Variants in NBAS observed in about 807,000 individuals in gnomAD.
NBAS encodes NBAS subunit of NRZ tethering complex.
In NBAS, 219 loss-of-function variants were observed where a neutral mutation model predicts 302.5. The ratio of observed to expected loss-of-function variants is 0.72; its 90% CI spans 0.65 to 0.81. The LOEUF is 0.81. Among genes scored for constraint, NBAS ranks in the 30% least tolerant of loss-of-function variants. NBAS has a pLI of 0.00. For missense variants in NBAS, 2,932 were observed against 2,841.6 expected (o/e 1.03, Z -0.72); for synonymous variants, 1,118 against 1,021.6 (o/e 1.09, Z -1.80).
chr2:14,787,949 T>C, the NBAS span, among the ~76,000 whole-genome samples: 2 of 152,234 alleles, frequency 1.3e-5, no homozygotes, highest in African/African-American at 2.4e-5. Flanking sequence ...CCTGTCACTT[T>C]CAGGTACACC....
At chr2:15,166,915 A>G, downstream of NBAS, 1 of 1,224,370 alleles carries the variant, frequency 8.2e-7, no homozygotes, top group Non-Finnish European at 1.1e-6. Context: ...CAGCTTGCTC[A>G]TCGTTTCCAT....
chr2:14,793,037 A>T, the NBAS span, among the ~76,000 whole-genome samples: 1 of 151,652 alleles, frequency 6.6e-6, no homozygotes, highest in South Asian at 2.1e-4. Flanking sequence ...AGACACTAGG[A>T]TGTTCATTCT....
At chr2:14,992,708 T>C in the NBAS span, among the ~76,000 whole-genome samples, 2 of 152,302 alleles carry the variant, frequency 1.3e-5, no homozygotes, top group African/African-American at 4.8e-5. Context: ...ACCAGTGTCC[T>C]TCATCCCTCA....
At chr2:15,404,809 G>A (rs1005992693) in intron 25 of NBAS, among the ~76,000 whole-genome samples, 3 of 151,970 alleles carry the variant, frequency 2.0e-5, no homozygotes, top group African/African-American at 7.3e-5. Context: ...CACTGCGCCC[G>A]GCCCTAAAGA....
chr2:15,552,365 T>C (rs553164304), intron 5 of NBAS, among the ~76,000 whole-genome samples: 34 of 152,296 alleles, frequency 2.2e-4, no homozygotes, highest in African/African-American at 7.5e-4. Context: ...TGCAGGTCCA[T>C]GTCTATGTGG....
the NBAS span, among the ~76,000 whole-genome samples, chr2:15,078,213 G>A: frequency 4.8e-4 from 73 of 152,256 alleles, no homozygotes; most frequent in African/African-American, 1.7e-3. Flanking sequence ...GCAATGGGAA[G>A]TCCTAGAAAG....
intron 35 of NBAS, among the ~76,000 whole-genome samples, chr2:15,341,402 G>GAATAAATAAATAAATAAATA (rs3085584): frequency 2.0e-5 from 3 of 148,134 alleles, no homozygotes; most frequent in African/African-American, 7.4e-5. Context: ...ATAAATAAAT[G>GAATAAATAAATAAATAAATA]AATAAATAAA....
chr2:15,104,281 G>A, the NBAS span, among the ~76,000 whole-genome samples: 62,848 of 151,980 alleles, frequency 0.41, 14,389 homozygotes, highest in African/African-American at 0.62. Context: ...AGTCAATTAA[G>A]CCTCTTTCTT....
chr2:14,940,448 G>A, the NBAS span, among the ~76,000 whole-genome samples: 2 of 152,082 alleles, frequency 1.3e-5, no homozygotes, highest in African/African-American at 4.8e-5. Context: ...CGTACTTCCT[G>A]TACAGCCTAT....
rs114354862 is a variant in NBAS at position 15,309,159 on chromosome 2, G to C, written c.4659+12C>G. The C allele has an allele frequency of 2.2e-3, 3,516 of 1,608,398 alleles. 36 individuals carry two copies. The highest frequency in any genetic ancestry group is 1.1e-3 in the Non-Finnish European group (1,275 of 1,175,478). Reference sequence around the variant, plus strand: ...GTCATTTTAAATTCTTCATTGGTAAGGGCAAACTTACTTGTGGTAAGGCAA... The same window carrying C: ...GTCATTTTAAATTCTTCATTGGTAACGGCAAACTTACTTGTGGTAAGGCAA... On this transcript the variant is annotated intron_variant, in intron 39 of 51. Transcript: ENST00000281513.
At chr2:14,820,149 G>A in the NBAS span, among the ~76,000 whole-genome samples, 1 of 152,182 alleles carries the variant, frequency 6.6e-6, no homozygotes, top group Admixed American at 6.5e-5. Context: ...TGATCTAGCA[G>A]TCCCACTGCT....
At chr2:15,405,314 G>A (rs1195763645) in intron 25 of NBAS, among the ~76,000 whole-genome samples, 1 of 152,080 alleles carries the variant, frequency 6.6e-6, no homozygotes, top group African/African-American at 2.4e-5. Flanking sequence ...ATGCCATTCT[G>A]CATATCTTTT....
At chr2:15,185,917 TAGGAA>T (rs1665053893) in intron 50 of NBAS, among the ~76,000 whole-genome samples, 1 of 152,138 alleles carries the variant, frequency 6.6e-6, no homozygotes, top group Admixed American at 6.5e-5. Flanking sequence ...TCCTACATAG[TAGGAA>T]TGCAAAATCA....
chr2:15,393,347 A>T (rs147116071), intron 28 of NBAS, among the ~76,000 whole-genome samples: 13 of 152,216 alleles, frequency 8.5e-5, no homozygotes, highest in Admixed American at 4.6e-4. Context: ...AAACTCCCAA[A>T]ACTCAATAAA....
intron 9 of NBAS, among the ~76,000 whole-genome samples, chr2:15,524,828 T>C (rs1182275102): frequency 2.6e-5 from 4 of 151,928 alleles, no homozygotes; most frequent in Non-Finnish European, 4.4e-5. Context: ...CAACAGGTAA[T>C]TCTGATGTCC....
intron 46 of NBAS, among the ~76,000 whole-genome samples, chr2:15,232,873 TA>T (rs1324932466): frequency 9.6e-5 from 14 of 146,596 alleles, no homozygotes; most frequent in East Asian, 6.1e-4. Context: ...TTTTTTTTTT[TA>T]AAAGCACTAA....
the NBAS span, among the ~76,000 whole-genome samples, chr2:14,847,958 G>C: frequency 1.3e-5 from 2 of 152,090 alleles, no homozygotes; most frequent in Non-Finnish European, 2.9e-5. Context: ...AATACAACTA[G>C]AAATCAAGAA....
chr2:15,507,558 CT>C (rs1483235350), intron 10 of NBAS, among the ~76,000 whole-genome samples: 1 of 152,184 alleles, frequency 6.6e-6, no homozygotes, highest in Non-Finnish European at 1.5e-5. Context: ...ACATATATTA[CT>C]TCATTTACAT....
At chr2:15,201,572 C>T (rs1665880101) in intron 48 of NBAS, among the ~76,000 whole-genome samples, 1 of 152,088 alleles carries the variant, frequency 6.6e-6, no homozygotes, top group Non-Finnish European at 1.5e-5. Flanking sequence ...AATATTATGA[C>T]TGTTATTTTT....
Sources: gnomAD v4.1 joint callset for allele counts (sites outside exome capture counted in the v4.1 genomes callset) on GRCh38, gnomAD v4.1.1 for gene constraint, MANE v1.5 for transcripts, NCBI Gene and HGNC (gene_info 2026-07-23, HGNC 2026-07-21) for gene names.